The following ANK2 variants were observed in gnomAD, a reference collection of about 807,000 sequenced individuals.
ANK2 encodes ankyrin 2.
ANK2 carries 83 observed loss-of-function variants against 360.5 expected under a neutral mutation model. That is an observed-to-expected ratio of 0.23 (90% CI 0.19 to 0.28). The LOEUF (loss-of-function observed/expected upper bound fraction) is 0.28, where lower values mean the gene tolerates loss of function less well. ANK2 is among the 10% of genes least tolerant of loss of function. The probability of loss-of-function intolerance (pLI) is 1.00; values close to 1 mark genes in which losing one functional copy is unlikely to be tolerated. For synonymous variants in ANK2, 1,740 were observed against 1,759.5 expected, an observed-to-expected ratio of 0.99 and a Z score of 0.28; for missense variants, 4,201 against 4,795.7, an observed-to-expected ratio of 0.88 and a Z score of 3.66.
chr4:113,067,982 T>C (rs1246840490), intron 1 of ANK2, among the ~76,000 whole-genome samples: 1 of 152,218 alleles, frequency 6.6e-6, no homozygotes, highest in Admixed American at 6.5e-5. Flanking sequence ...TCAGTAATGC[T>C]GGCATTTTTC....
chr4:113,064,042 T>C (rs1580494051), intron 1 of ANK2, among the ~76,000 whole-genome samples: 1 of 152,260 alleles, frequency 6.6e-6, no homozygotes, highest in East Asian at 1.9e-4. Flanking sequence ...GTTGTTGTTG[T>C]GTTTGCTTTT....
At chr4:113,372,606 G>T in intron 43 of ANK2, 1 of 1,535,554 alleles carries the variant, frequency 6.5e-7, no homozygotes, top group Non-Finnish European at 8.7e-7. Context: ...AGGGTTGTCC[G>T]CCGGCGAGTG....
intron 2 of ANK2, among the ~76,000 whole-genome samples, chr4:113,185,302 A>G (rs577809920): frequency 5.9e-5 from 9 of 152,278 alleles, no homozygotes; most frequent in African/African-American, 2.2e-4. Flanking sequence ...GTCTTCCACA[A>G]TGGTTGAGCT....
chr4:112,846,462 A>T (rs1008926586), intron 1 of ANK2, among the ~76,000 whole-genome samples: 46 of 152,122 alleles, frequency 3.0e-4, no homozygotes, highest in Admixed American at 2.9e-3. Flanking sequence ...CTTCACTGAC[A>T]TTGTTCTGGC....
chr4:113,169,847 G>A (rs1427982424), intron 1 of ANK2, among the ~76,000 whole-genome samples: 1 of 151,970 alleles, frequency 6.6e-6, no homozygotes, highest in Non-Finnish European at 1.5e-5. Context: ...ACTTATGTAA[G>A]TTTTATAATA....
chr4:112,768,232 T>G, the ANK2 span, among the ~76,000 whole-genome samples: 9 of 152,128 alleles, frequency 5.9e-5, no homozygotes, highest in African/African-American at 2.2e-4. Flanking sequence ...GGTACTATTG[T>G]TCATGCTTTC....
In ANK2 at chr4:113,363,568, C is replaced by T. The variant is rs949094751; in HGVS notation, c.10888+99C>T. 8 of 1,322,434 alleles carry T rather than the reference C, an allele frequency of 6.0e-6. No individual in the cohort carries two copies. In the African/African-American group the frequency reaches 8.7e-5, roughly 14 times the overall value. The allele number at this position is 1,322,434 out of a possible 1,614,324, so 81.9% of individuals were successfully genotyped here. ...AGTAGAATAGTAAAGAAGCAAATGC[C>T]ATTAATCTGCAGTACAGTGGGTCCT... is the stretch of plus-strand genomic sequence containing the variant. On this transcript the variant is annotated intron_variant, in intron 40 of 45. Transcript: ENST00000357077.
At chr4:113,101,292 G>T (rs1293191135) in intron 1 of ANK2, among the ~76,000 whole-genome samples, 1 of 151,916 alleles carries the variant, frequency 6.6e-6, no homozygotes, top group African/African-American at 2.4e-5. Context: ...GAATGAATTT[G>T]ATATTTCTCC....
chr4:113,192,296 G>A (rs893021301), intron 2 of ANK2, among the ~76,000 whole-genome samples: 33 of 152,150 alleles, frequency 2.2e-4, no homozygotes, highest in African/African-American at 7.7e-4. Flanking sequence ...ATGACCTCCT[G>A]TCTCAGGTCT....
the ANK2 span, among the ~76,000 whole-genome samples, chr4:112,740,179 A>G: frequency 2.6e-5 from 4 of 152,220 alleles, no homozygotes; most frequent in African/African-American, 9.6e-5. Context: ...GCAGAGGAAA[A>G]TGACCATTAT....
chr4:113,094,321 A>G (rs2089985507), intron 1 of ANK2, among the ~76,000 whole-genome samples: 1 of 152,234 alleles, frequency 6.6e-6, no homozygotes, highest in African/African-American at 2.4e-5. Context: ...ATAAATAAAT[A>G]AAGACATTTC....
chr4:113,228,260 T>C (rs909150625), intron 4 of ANK2, among the ~76,000 whole-genome samples: 1 of 152,158 alleles, frequency 6.6e-6, no homozygotes, highest in Non-Finnish European at 1.5e-5. Flanking sequence ...TTGGTGGTGA[T>C]TTCTAAGATT....
At chr4:113,088,651 G>T (rs749650951) in intron 1 of ANK2, among the ~76,000 whole-genome samples, 4 of 151,984 alleles carry the variant, frequency 2.6e-5, no homozygotes, top group Non-Finnish European at 4.4e-5. Context: ...AAAAGACGGT[G>T]AAACAGAAAT....
At chr4:112,938,162 A>T (rs2093911781) in intron 2 of ANK2, among the ~76,000 whole-genome samples, 1 of 152,222 alleles carries the variant, frequency 6.6e-6, no homozygotes, top group African/African-American at 2.4e-5. Flanking sequence ...ACAGAGTTTA[A>T]ATCATTTCAT....
intron 34 of ANK2, among the ~76,000 whole-genome samples, 154 bp downstream of exon 34, chr4:113,343,296 A>T (rs973923498): frequency 2.0e-5 from 3 of 152,132 alleles, no homozygotes; most frequent in African/African-American, 7.2e-5. Flanking sequence ...GAAACAAATC[A>T]TTTTTATTTT....
At chr4:113,156,466 G>A (rs2097303072) in intron 1 of ANK2, among the ~76,000 whole-genome samples, 1 of 146,988 alleles carries the variant, frequency 6.8e-6, no homozygotes, top group Admixed American at 7.0e-5. Context: ...CGCCTCCCGG[G>A]CTCAAGTGAT....
At chr4:112,780,768 G>A in the ANK2 span, among the ~76,000 whole-genome samples, 5 of 152,056 alleles carry the variant, frequency 3.3e-5, no homozygotes, top group South Asian at 2.1e-4. Flanking sequence ...ATCTGATCTC[G>A]TGAGAACTCA....
chr4:112,983,177 T>C (rs369190797), intron 2 of ANK2, among the ~76,000 whole-genome samples: 89 of 152,356 alleles, frequency 5.8e-4, no homozygotes, highest in African/African-American at 1.9e-3. Context: ...CATGAATTTC[T>C]GAATATAATG....
At chr4:112,881,761 A>G in intron 1 of ANK2, 1 of 691,066 alleles carries the variant, frequency 1.4e-6, no homozygotes, top group Non-Finnish European at 2.6e-6. Context: ...CACTTCGATT[A>G]TTCAAACTGT....
Sources: allele counts gnomAD v4.1 joint callset (sites outside exome capture counted in the v4.1 genomes callset), GRCh38; gene constraint gnomAD v4.1.1; transcripts MANE v1.5; gene names NCBI Gene and HGNC (gene_info 2026-07-23, HGNC 2026-07-21).